The following SLC17A9 variants were observed in gnomAD, a reference collection of about 807,000 sequenced individuals.
SLC17A9 encodes solute carrier family 17 member 9.
In SLC17A9, 49 loss-of-function variants were observed where a neutral mutation model predicts 55.0. That is an observed-to-expected ratio of 0.89 (90% CI 0.71 to 1.13). The LOEUF is 1.13. SLC17A9 is among the 50% of genes most tolerant of loss of function. The pLI is 0.00. For synonymous variants in SLC17A9, 256 were observed against 247.4 expected (o/e 1.03, Z -0.32); for missense variants, 526 against 569.3 (o/e 0.92, Z 0.77).
chr20:62,962,831 CAGCCTGGAGCAGG>C lies in SLC17A9; in HGVS notation c.628+82_628+94del. On this transcript the variant is annotated intron_variant, in intron 5 of 12. Transcript: ENST00000370351. This position sits in a 1 kb window ranked among gnomAD's most constrained non-coding sequence, Gnocchi z 5.5. ...TCCTCCCCTGGTGGCAGCCGCTGAG[CAGCCTGGAGCAGG>C]AGCCCGGAGACGATGGCTTTGACCT... is the stretch of plus-strand genomic sequence containing the variant. 6.4e-7 allele frequency: 1 copy of C among 1,565,108 alleles called. No individual in the cohort carries two copies. Among genetic ancestry groups the C allele is most frequent in the Non-Finnish European group, 8.7e-7 (1 of 1,153,458 alleles).
intron 1 of SLC17A9, 151 bp downstream of exon 1, chr20:62,953,040 G>A: frequency 5.1e-6 from 6 of 1,178,374 alleles, no homozygotes; most frequent in Non-Finnish European, 7.2e-6. Context: ...GTTCCTTGTG[G>A]GAGGTGGAAG....
rs1379348630 is a variant in SLC17A9 at position 62,962,530 on chromosome 20, G to A, written c.498-94G>A. ...GATGAAAACACCCTCTTCTCCAGGG[G>A]CTCAGCCTGCACCAGGGTGGGGTTT... is the stretch of plus-strand genomic sequence containing the variant. On this transcript the variant is annotated intron_variant, in intron 4 of 12. Transcript: ENST00000370351. This position sits in a 1 kb window ranked among gnomAD's most constrained non-coding sequence, Gnocchi z 5.5. The A allele has an allele frequency of 1.2e-5, 18 of 1,496,530 alleles. No homozygotes were observed. Among genetic ancestry groups the A allele is most frequent in the South Asian group, 5.1e-5 (4 of 77,864 alleles). 92.7% of individuals were successfully genotyped at this position (1,496,530 alleles called of 1,614,324 possible).
At chr20:62,959,136 G>C (rs1339125697) in intron 3 of SLC17A9, among the ~76,000 whole-genome samples, 1 of 152,202 alleles carries the variant, frequency 6.6e-6, no homozygotes, top group African/African-American at 2.4e-5. Flanking sequence ...AGGGAGGAGG[G>C]TCCCAAGGCT....
Position 62,962,786 on chromosome 20 carries a change from G to A in SLC17A9, c.628+32G>A, listed in dbSNP as rs373953999. On this transcript the variant is annotated intron_variant, in intron 5 of 12. Coordinates refer to ENST00000370351, the MANE Select transcript of SLC17A9 (RefSeq NM_022082.4). The surrounding 1 kb of genome is among the most constrained non-coding windows in gnomAD (Gnocchi z 5.5). ...CAGGCCGGGCGGGCTAGTCCCGGGC[G>A]CCCACAGCTGCCCAGTGCCTCCTCC... 2.0e-5 allele frequency: 32 copies of A among 1,608,496 alleles called. No individual in the cohort carries two copies. The highest frequency in any genetic ancestry group is 1.7e-4 in the Middle Eastern group (1 of 6,056).
intron 7 of SLC17A9, 197 bp from the exon 8 acceptor site, chr20:62,964,031 G>A (rs1454390277): frequency 3.4e-5 from 22 of 651,004 alleles, no homozygotes; most frequent in South Asian, 1.8e-5. Flanking sequence ...CGGTCAGCAC[G>A]GTTCCTTCTC....
chr20:62,952,951 C>G, intron 1 of SLC17A9, 62 bp downstream of exon 1: 1 of 1,418,610 alleles, frequency 7.0e-7, no homozygotes, highest in Admixed American at 2.2e-5. Context: ...GGGGAGGGAG[C>G]TGAGATACTG....
intron 7 of SLC17A9, 38 bp from the exon 8 acceptor site, chr20:62,964,190 G>T (rs773345016): frequency 6.2e-7 from 1 of 1,607,824 alleles, no homozygotes; most frequent in Non-Finnish European, 8.5e-7. Context: ...GCCAGATGCC[G>T]GCCCTGGCCC....
chr20:62,959,690 C>T (rs749144944), intron 3 of SLC17A9, among the ~76,000 whole-genome samples: 3 of 152,228 alleles, frequency 2.0e-5, no homozygotes, highest in African/African-American at 7.2e-5. Context: ...TATGAGTGAG[C>T]GCTCTGCGGT....
intron 1 of SLC17A9, among the ~76,000 whole-genome samples, chr20:62,955,728 A>G (rs570542433): frequency 1.3e-5 from 2 of 152,320 alleles, no homozygotes; most frequent in East Asian, 3.9e-4. Context: ...AAAACTGTTT[A>G]CAGAGAGCCT....
Position 62,965,664 on chromosome 20 carries a change from A to G in SLC17A9, c.1000A>G (p.Ser334Gly). 1 of 1,613,946 alleles carries G rather than the reference A, an allele frequency of 6.2e-7. No individual in the cohort carries two copies. Among genetic ancestry groups the G allele is most frequent in the Non-Finnish European group, 8.5e-7 (1 of 1,180,010 alleles). Residue 334 changes from serine (S) to glycine (G), a missense_variant, in exon 10 of 13, where the codon AGC becomes GGC. Ser to Gly is a moderately conservative substitution (Grantham distance 56, BLOSUM62 0). Coordinates refer to ENST00000370351, the MANE Select transcript of SLC17A9 (RefSeq NM_022082.4). ...TGCTCTGTGCCTGGGCCACACCTCC[A>G]GCTTCTGTGAGTCTGTGGTCTTTGC... ...VFALCLGHTS[S>G]FCESVVFASA...
chr20:62,960,508 T>A lies in SLC17A9; in HGVS notation c.402T>A (p.Val134=). ...SRILMGLLQG[V]YFPALTSLLS... ...CCCTCCCTCCACTTGTTGCAGGGGT[T>A]TACTTCCCTGCCCTGACCAGCCTGC... The change falls in exon 4 of 13, where the codon GTT becomes GTA. Residue 134 remains valine (V), a synonymous_variant. Coordinates refer to ENST00000370351, the MANE Select transcript of SLC17A9 (RefSeq NM_022082.4). The A allele has an allele frequency of 1.2e-6, 2 of 1,612,802 alleles. No homozygotes were observed.
chr20:62,955,484 T>TA, intron 1 of SLC17A9, among the ~76,000 whole-genome samples: 1 of 151,936 alleles, frequency 6.6e-6, no homozygotes, highest in East Asian at 1.9e-4. Flanking sequence ...TTTGTTTTGT[T>TA]TTTTTTTGTA....
In SLC17A9 at chr20:62,963,548, G is replaced by A. The variant is rs533654239; in HGVS notation, c.726-36G>A. On this transcript the variant is annotated intron_variant, in intron 6 of 12. Coordinates refer to ENST00000370351, the MANE Select transcript of SLC17A9 (RefSeq NM_022082.4). ...TCCCACAGGCCCGGCCAGCTCGTGC[G>A]GCACCAGAGTCACGGTCCACCATTG... 462 of 1,565,654 alleles carry A rather than the reference G, an allele frequency of 3.0e-4. 5 individuals carry two copies. The South Asian group carries it at 4.8e-3, about 16-fold the overall frequency.
Position 62,953,329 on chromosome 20 carries a change from C to G in SLC17A9, c.59+440C>G, listed in dbSNP as rs1423458385. On this transcript the variant is annotated intron_variant, in intron 1 of 12. Transcript: ENST00000370351. ...ACGGGGTTGGGGGGGGTCCTGCCAC[C>G]ACGTGCCAGCTGTGTGCTGAGGACG... The G allele has an allele frequency of 5.9e-6, 9 of 1,523,752 alleles. No homozygotes were observed. In the African/African-American group the frequency reaches 9.7e-5, roughly 16 times the overall value. 94.4% of individuals were successfully genotyped at this position (1,523,752 alleles called of 1,614,324 possible). A position where few individuals can be genotyped will look rare whatever the true frequency, so the allele number is the denominator to read the frequency against.
chr20:62,955,179 A>C (rs1601084093), intron 1 of SLC17A9, among the ~76,000 whole-genome samples: 1 of 140,674 alleles, frequency 7.1e-6, no homozygotes, highest in African/African-American at 2.7e-5. Context: ...GTGGAGTCTC[A>C]CTCTGTCGCC....
intron 4 of SLC17A9, among the ~76,000 whole-genome samples, chr20:62,961,981 G>GCT (rs1240050298): frequency 6.6e-6 from 1 of 152,166 alleles, no homozygotes; most frequent in Non-Finnish European, 1.5e-5. Context: ...CCGCTTTGGG[G>GCT]CTCTCTCTCT....
Position 62,962,790 on chromosome 20 carries a change from A to G in SLC17A9, c.628+36A>G, listed in dbSNP as rs764651961. The G allele has an allele frequency of 6.2e-7, 1 of 1,609,140 alleles. No homozygotes were observed. ...CCGGGCGGGCTAGTCCCGGGCGCCC[A>G]CAGCTGCCCAGTGCCTCCTCCCCTG... On this transcript the variant is annotated intron_variant, in intron 5 of 12. Coordinates refer to ENST00000370351, the MANE Select transcript of SLC17A9 (RefSeq NM_022082.4). The surrounding 1 kb of genome is among the most constrained non-coding windows in gnomAD (Gnocchi z 5.5).
At chr20:62,954,942 TG>T (rs1046793293) in intron 1 of SLC17A9, among the ~76,000 whole-genome samples, 2 of 152,206 alleles carry the variant, frequency 1.3e-5, no homozygotes, top group Non-Finnish European at 2.9e-5. Flanking sequence ...AGGTGCCACC[TG>T]GACACAGGTC....
intron 2 of SLC17A9, 109 bp from the exon 3 acceptor site, chr20:62,957,332 G>T: frequency 6.7e-7 from 1 of 1,497,786 alleles, no homozygotes; most frequent in South Asian, 1.4e-5. Context: ...TGTAGAGGCA[G>T]ACAGGCCAGG....
Sources: allele counts gnomAD v4.1 joint callset (sites outside exome capture counted in the v4.1 genomes callset), GRCh38; gene constraint gnomAD v4.1.1; non-coding constraint Gnocchi (gnomAD v3.1); transcripts MANE v1.5; gene names NCBI Gene and HGNC (gene_info 2026-07-23, HGNC 2026-07-21).